DSCAM: variants seen among roughly 807,000 people sequenced by gnomAD.
DSCAM encodes cell adhesion molecule DSCAM.
DSCAM carries 47 observed loss-of-function variants against 217.7 expected under a neutral mutation model. The ratio of observed to expected loss-of-function variants is 0.22; its 90% confidence interval spans 0.17 to 0.28. DSCAM has a LOEUF of 0.28. Among genes scored for constraint, DSCAM ranks in the 10% least tolerant of loss-of-function variants. The pLI, the probability that DSCAM is intolerant of heterozygous loss-of-function variation, is 1.00. For missense variants in DSCAM, 2,080 were observed against 2,618.3 expected (o/e 0.79, Z 4.49); for synonymous variants, 1,056 against 1,015.3 (o/e 1.04, Z -0.76).
intron 3 of DSCAM, among the ~76,000 whole-genome samples, chr21:40,680,047 A>T (rs956753459): frequency 1.3e-5 from 2 of 152,224 alleles, no homozygotes; most frequent in African/African-American, 2.4e-5. Flanking sequence ...ACAAACATTA[A>T]TGTCAAGCAC....
intron 3 of DSCAM, among the ~76,000 whole-genome samples, chr21:40,445,726 C>T (rs933695503): frequency 7.9e-5 from 12 of 152,216 alleles, no homozygotes; most frequent in Non-Finnish European, 1.3e-4. Context: ...AACCCTTGCT[C>T]TGAAGAATCC....
At chr21:40,665,681 G>A (rs1359098546) in intron 3 of DSCAM, among the ~76,000 whole-genome samples, 1 of 152,140 alleles carries the variant, frequency 6.6e-6, no homozygotes, top group Admixed American at 6.5e-5. Context: ...ATAGGCCCAT[G>A]AGCACAGACA....
chr21:40,283,008 T>A (rs2073783267), intron 10 of DSCAM, among the ~76,000 whole-genome samples: 1 of 152,216 alleles, frequency 6.6e-6, no homozygotes, highest in African/African-American at 2.4e-5. Flanking sequence ...GAAGGGTTAT[T>A]GCATCTGAAG....
At chr21:40,251,763 A>G (rs544144581) in intron 11 of DSCAM, among the ~76,000 whole-genome samples, 1 of 152,242 alleles carries the variant, frequency 6.6e-6, no homozygotes, top group Non-Finnish European at 1.5e-5. Flanking sequence ...ATAGTGGGAC[A>G]TCATTTCCTT....
chr21:40,487,510 A>G (rs1485051713), intron 3 of DSCAM, among the ~76,000 whole-genome samples: 1 of 152,168 alleles, frequency 6.6e-6, no homozygotes, highest in Non-Finnish European at 1.5e-5. Flanking sequence ...GAGAGGTAGA[A>G]GTCACACCAA....
At chr21:40,270,826 C>G (rs887477005) in intron 11 of DSCAM, among the ~76,000 whole-genome samples, 1 of 151,986 alleles carries the variant, frequency 6.6e-6, no homozygotes, top group Non-Finnish European at 1.5e-5. Flanking sequence ...GCAATGCTAC[C>G]GGGACTGGAG....
At chr21:40,467,522 T>C (rs2075854811) in intron 3 of DSCAM, among the ~76,000 whole-genome samples, 1 of 152,196 alleles carries the variant, frequency 6.6e-6, no homozygotes, top group Admixed American at 6.5e-5. Context: ...TGGCATAAAA[T>C]TGACTTGTAT....
chr21:40,072,567 C>T (rs577877626), intron 27 of DSCAM, among the ~76,000 whole-genome samples: 2 of 152,080 alleles, frequency 1.3e-5, no homozygotes, highest in South Asian at 2.1e-4. Context: ...CCAGGATGGT[C>T]TCGATCTCCT....
At chr21:40,369,375 C>A (rs1292789300) in intron 3 of DSCAM, 130 bp from the exon 4 acceptor site, 12 of 605,882 alleles carry the variant, frequency 2.0e-5, no homozygotes, top group East Asian at 3.4e-5. Context: ...AAAATGGGTG[C>A]GTGCGTCTGC....
intron 4 of DSCAM, among the ~76,000 whole-genome samples, chr21:40,357,163 A>G (rs1452308817): frequency 6.6e-6 from 1 of 152,234 alleles, no homozygotes; most frequent in Non-Finnish European, 1.5e-5. Context: ...GAGATATAAA[A>G]GTTTCACAAT....
At chr21:40,461,186 A>C (rs940439434) in intron 3 of DSCAM, among the ~76,000 whole-genome samples, 1 of 152,230 alleles carries the variant, frequency 6.6e-6, no homozygotes, top group African/African-American at 2.4e-5. Context: ...TCTGCAAATA[A>C]ATTATATATT....
intron 9 of DSCAM, among the ~76,000 whole-genome samples, chr21:40,296,518 T>C (rs1199233005): frequency 6.6e-6 from 1 of 152,120 alleles, no homozygotes; most frequent in East Asian, 1.9e-4. Context: ...AATGGAAAAT[T>C]GAATCAGAAT....
intron 16 of DSCAM, among the ~76,000 whole-genome samples, chr21:40,145,568 G>A (rs184096488): frequency 1.3e-5 from 2 of 152,230 alleles, no homozygotes; most frequent in African/African-American, 4.8e-5. Flanking sequence ...TATAAGGCTG[G>A]GCGCGGTGGC....
chr21:40,664,305 A>G (rs1379010651), intron 3 of DSCAM, among the ~76,000 whole-genome samples: 1 of 152,182 alleles, frequency 6.6e-6, no homozygotes, highest in Non-Finnish European at 1.5e-5. Flanking sequence ...GTATTTTCTC[A>G]TCATATTTGT....
intron 23 of DSCAM, 75 bp downstream of exon 23, chr21:40,085,527 T>G: frequency 5.4e-6 from 7 of 1,287,936 alleles, no homozygotes; most frequent in Non-Finnish European, 7.1e-6. Flanking sequence ...ATTTTAAAAT[T>G]TGTTCAGTGC....
chr21:40,715,405 G>C (rs989368333), intron 1 of DSCAM, among the ~76,000 whole-genome samples: 2 of 152,180 alleles, frequency 1.3e-5, no homozygotes, highest in African/African-American at 4.8e-5. Flanking sequence ...TTGGGGCTAT[G>C]GCTAAGCTGG....
chr21:40,169,211 G>A (rs2090629998), intron 15 of DSCAM, among the ~76,000 whole-genome samples: 1 of 152,134 alleles, frequency 6.6e-6, no homozygotes, highest in Non-Finnish European at 1.5e-5. Context: ...CTTACTGGTT[G>A]AGGGAAGCCA....
chr21:40,497,028 G>A (rs1206446493), intron 3 of DSCAM, among the ~76,000 whole-genome samples: 2 of 152,076 alleles, frequency 1.3e-5, no homozygotes, highest in Non-Finnish European at 2.9e-5. Flanking sequence ...GAGAACCCTA[G>A]TACTCTATTG....
intron 32 of DSCAM, among the ~76,000 whole-genome samples, chr21:40,022,223 C>T (rs1294713007): frequency 6.6e-6 from 1 of 152,136 alleles, no homozygotes; most frequent in African/African-American, 2.4e-5. Context: ...GGACATGTAG[C>T]AAAGTCTGGA....
Sources: gnomAD v4.1 joint callset for allele counts (sites outside exome capture counted in the v4.1 genomes callset) on GRCh38, gnomAD v4.1.1 for gene constraint, MANE v1.5 for transcripts, NCBI Gene and HGNC (gene_info 2026-07-23, HGNC 2026-07-21) for gene names.